The following CTNND2 variants were observed in gnomAD, a reference collection of about 807,000 sequenced individuals.
The protein encoded by CTNND2 is catenin delta-2.
In CTNND2, 22 loss-of-function variants were observed where a neutral mutation model predicts 144.4. The observed-to-expected ratio is 0.15, with a 90% CI of 0.11 to 0.22. CTNND2 has a LOEUF of 0.22. CTNND2 is among the 10% of genes least tolerant of loss of function. The pLI, the probability that CTNND2 is intolerant of heterozygous loss-of-function variation, is 1.00. For synonymous variants in CTNND2, 751 were observed against 695.6 expected (o/e 1.08, Z -1.25); for missense variants, 1,353 against 1,618.8 (o/e 0.84, Z 2.82).
chr5:11,060,461 C>T (rs1348804369), intron 16 of CTNND2, among the ~76,000 whole-genome samples: 2 of 152,054 alleles, frequency 1.3e-5, no homozygotes, highest in African/African-American at 4.8e-5. Context: ...AAGATGTGAC[C>T]ATTCGGAATA....
chr5:11,800,025 T>C (rs1035286903), intron 1 of CTNND2, among the ~76,000 whole-genome samples: 1 of 152,328 alleles, frequency 6.6e-6, no homozygotes, highest in Non-Finnish European at 1.5e-5. Context: ...CTTACTACTT[T>C]AACTAAGGAA....
At chr5:11,227,380 A>G (rs1441682573) in intron 10 of CTNND2, among the ~76,000 whole-genome samples, 1 of 152,244 alleles carries the variant, frequency 6.6e-6, no homozygotes, top group Non-Finnish European at 1.5e-5. Flanking sequence ...TACAGCAGCC[A>G]GGGTTCAAAT....
intron 1 of CTNND2, among the ~76,000 whole-genome samples, chr5:11,875,485 T>C (rs944720463): frequency 6.6e-5 from 10 of 152,286 alleles, no homozygotes; most frequent in Admixed American, 3.9e-4. Context: ...CAAATCCATA[T>C]GTTGAAGCCC....
chr5:11,434,083 A>G (rs984897904), intron 3 of CTNND2, among the ~76,000 whole-genome samples: 11 of 152,240 alleles, frequency 7.2e-5, no homozygotes, highest in African/African-American at 2.7e-4. Context: ...AAACTAATCA[A>G]TAAGAGAATG....
intron 2 of CTNND2, among the ~76,000 whole-genome samples, chr5:11,728,398 G>A (rs573684633): frequency 2.0e-5 from 3 of 152,244 alleles, no homozygotes; most frequent in African/African-American, 4.8e-5. Flanking sequence ...GAACCTGGGA[G>A]GTGGAGGTGG....
chr5:11,443,224 T>A (rs1256336011), intron 3 of CTNND2, among the ~76,000 whole-genome samples: 1 of 112,608 alleles, frequency 8.9e-6, no homozygotes, highest in Non-Finnish European at 1.9e-5. Flanking sequence ...GTGTGGTGTG[T>A]ATGTGTGTGT....
chr5:11,885,443 A>G (rs1736448369), intron 1 of CTNND2, among the ~76,000 whole-genome samples: 1 of 152,186 alleles, frequency 6.6e-6, no homozygotes. Context: ...ACTATAAAAA[A>G]GAGACTAACA....
chr5:11,263,085 G>A (rs1051130847), intron 9 of CTNND2, among the ~76,000 whole-genome samples: 7 of 152,148 alleles, frequency 4.6e-5, no homozygotes, highest in African/African-American at 1.4e-4. Flanking sequence ...TTGGATTGCA[G>A]AGCCATCATC....
At position 11,892,692 on chromosome 5, in the gene CTNND2, A is replaced by G. The variant is rs1407341268; in HGVS notation, c.37+11125T>C. 4.8e-5 allele frequency among the ~76,000 whole-genome samples: 7 copies of G among 144,490 alleles called. No homozygotes were observed. The East Asian group carries it at 1.2e-3, about 25-fold the overall frequency. The allele number at this position is 144,490 out of a possible 152,430, so 94.8% of individuals were successfully genotyped here. On this transcript the variant is annotated intron_variant, in intron 1 of 21. Coordinates refer to ENST00000304623, the MANE Select transcript of CTNND2 (RefSeq NM_001332.4). The stretch of plus-strand genomic sequence containing the variant: ...ACAGCACCTTCTTTGGGCCAGAGCT[A>G]AAAAAAAAAACCTCACATAGCCACC...
At chr5:11,262,489 G>A (rs1227202572) in intron 9 of CTNND2, among the ~76,000 whole-genome samples, 1 of 152,060 alleles carries the variant, frequency 6.6e-6, no homozygotes, top group Non-Finnish European at 1.5e-5. Context: ...TTGGCCGGGC[G>A]CAGTGGCTCA....
intron 1 of CTNND2, among the ~76,000 whole-genome samples, chr5:11,866,229 G>T (rs572204686): frequency 6.6e-6 from 1 of 152,276 alleles, no homozygotes; most frequent in Non-Finnish European, 1.5e-5. Flanking sequence ...CTTGAGCCCA[G>T]GAGTTTAAAG....
chr5:11,796,883 G>C (rs1255053944), intron 1 of CTNND2, among the ~76,000 whole-genome samples: 3 of 152,146 alleles, frequency 2.0e-5, no homozygotes, highest in Non-Finnish European at 2.9e-5. Context: ...ACTACTTCTG[G>C]TGATAAAACT....
chr5:11,150,292 A>T (rs1028940837), intron 12 of CTNND2, among the ~76,000 whole-genome samples: 3 of 152,160 alleles, frequency 2.0e-5, no homozygotes, highest in African/African-American at 7.2e-5. Flanking sequence ...GTGATTGTCA[A>T]ACATCCCTGA....
intron 3 of CTNND2, among the ~76,000 whole-genome samples, chr5:11,530,631 C>T (rs920377819): frequency 2.6e-5 from 4 of 152,194 alleles, no homozygotes; most frequent in African/African-American, 9.6e-5. Context: ...CAGCACTGCA[C>T]TCAAAATACT....
rs190808932 is a variant in CTNND2, at chr5:11,622,559, A to G, written c.175-57503T>C. ...TTGGTCGTATTCCAAACCATTCTAA[A>G]AGGTGCAATTGATTGAACTGGCCAT... On this transcript the variant is annotated intron_variant, in intron 2 of 21. Coordinates refer to ENST00000304623, the MANE Select transcript of CTNND2 (RefSeq NM_001332.4). 9.1e-4 allele frequency among the ~76,000 whole-genome samples: 139 copies of G among 152,274 alleles called. 2 individuals carry two copies. The highest frequency in any genetic ancestry group is 7.3e-3 in the Admixed American group (111 of 15,292).
intron 2 of CTNND2, among the ~76,000 whole-genome samples, chr5:11,576,287 GTTACTCA>G (rs1301257099): frequency 2.0e-5 from 3 of 151,642 alleles, no homozygotes; most frequent in Non-Finnish European, 4.4e-5. Context: ...ATGTGATTAT[GTTACTCA>G]TTTATTTAGA....
chr5:10,991,577 C>T (rs1370436703), intron 19 of CTNND2, among the ~76,000 whole-genome samples: 1 of 152,110 alleles, frequency 6.6e-6, no homozygotes, highest in Non-Finnish European at 1.5e-5. Flanking sequence ...TTCATCTTTC[C>T]TCTGATTTTT....
intron 3 of CTNND2, among the ~76,000 whole-genome samples, chr5:11,521,469 G>A (rs1023409854): frequency 1.2e-4 from 19 of 152,092 alleles, no homozygotes; most frequent in African/African-American, 4.3e-4. Flanking sequence ...AATAAACCAG[G>A]TGAAATATTT....
intron 14 of CTNND2, among the ~76,000 whole-genome samples, chr5:11,106,579 A>G (rs1752445717): frequency 6.6e-6 from 1 of 152,240 alleles, no homozygotes; most frequent in Non-Finnish European, 1.5e-5. Context: ...CAGGGAATGT[A>G]CAGGTAATGA....
Sources: allele counts gnomAD v4.1 joint callset (sites outside exome capture counted in the v4.1 genomes callset), GRCh38; gene constraint gnomAD v4.1.1; transcripts MANE v1.5; gene names NCBI Gene and HGNC (gene_info 2026-07-23, HGNC 2026-07-21).